Variants in ADAMTS6 observed in about 807,000 individuals in gnomAD.
ADAMTS6 encodes ADAM metallopeptidase with thrombospondin type 1 motif 6.
Under a neutral mutation model 144.3 loss-of-function variants are expected in ADAMTS6, and 23 were observed. The ratio of observed to expected loss-of-function variants is 0.16; its 90% CI spans 0.11 to 0.23. The LOEUF (loss-of-function observed/expected upper bound fraction) is 0.23. Among genes scored for constraint, ADAMTS6 ranks in the 10% least tolerant of loss-of-function variants. The pLI, the probability that ADAMTS6 is intolerant of heterozygous loss-of-function variation, is 1.00. For missense variants in ADAMTS6, 999 were observed against 1,379.6 expected (o/e 0.72, Z 4.37); for synonymous variants, 444 against 457.5 (o/e 0.97, Z 0.38).
At chr5:65,210,712 C>G (rs1756465956) in intron 20 of ADAMTS6, 1 of 648,004 alleles carries the variant, frequency 1.5e-6, no homozygotes, top group East Asian at 3.0e-5. Context: ...ACACCAGAAG[C>G]ACATCATGGG....
In ADAMTS6 at chr5:65,172,210, C is replaced by G. The variant is rs968821607; in HGVS notation, c.3087+622G>C. Reference sequence around the variant, plus strand: ...CGGGCGGATCACGAGGTCAGGAGATCGAGACCATCCTGGCTAAGATGGTGA... The same window carrying G: ...CGGGCGGATCACGAGGTCAGGAGATGGAGACCATCCTGGCTAAGATGGTGA... On this transcript the variant is annotated intron_variant, in intron 23 of 24. Transcript: ENST00000381055. 5.2e-4 allele frequency among the ~76,000 whole-genome samples: 78 copies of G among 150,848 alleles called. 3 individuals are homozygous for G. The highest frequency in any genetic ancestry group is 1.7e-3 in the African/African-American group (71 of 40,938).
chr5:65,480,643 A>G (rs919186569), intron 1 of ADAMTS6, among the ~76,000 whole-genome samples: 1 of 152,154 alleles, frequency 6.6e-6, no homozygotes, highest in Admixed American at 6.5e-5. Context: ...AGGCTTCCCA[A>G]TACCCCATTC....
rs1283696195 is a variant in ADAMTS6, at chr5:65,425,586, C to G, written c.1073+25889G>C. On this transcript the variant is annotated intron_variant, in intron 7 of 24. Transcript: ENST00000381055. The stretch of plus-strand genomic sequence containing the variant: ...TCCTGCTTAACGTAAATTTCCCACT[C>G]TCAAATTCTACAGTATGGTATTTAT... Among the ~76,000 whole-genome samples, 3 of 152,210 alleles carry G rather than the reference C, an allele frequency of 2.0e-5. No individual in the cohort carries two copies. In the South Asian group the frequency reaches 6.2e-4, roughly 31 times the overall value.
intron 20 of ADAMTS6, among the ~76,000 whole-genome samples, chr5:65,211,706 T>C (rs1325846066): frequency 6.6e-6 from 1 of 152,108 alleles, no homozygotes; most frequent in Non-Finnish European, 1.5e-5. Context: ...AATGATACTG[T>C]TTTTCCTTGG....
intron 7 of ADAMTS6, among the ~76,000 whole-genome samples, chr5:65,367,376 A>G (rs1345182889): frequency 1.3e-5 from 2 of 152,190 alleles, no homozygotes; most frequent in Non-Finnish European, 2.9e-5. Flanking sequence ...TATTGCACTT[A>G]CCATGGGTAA....
At chr5:65,265,770 C>A (rs1761572743) in intron 12 of ADAMTS6, among the ~76,000 whole-genome samples, 1 of 151,796 alleles carries the variant, frequency 6.6e-6, no homozygotes, top group African/African-American at 2.4e-5. Flanking sequence ...TTCATAAGGC[C>A]TAAGCACTTC....
intron 2 of ADAMTS6, among the ~76,000 whole-genome samples, chr5:65,472,437 G>A (rs551111319): frequency 2.0e-5 from 3 of 152,190 alleles, no homozygotes; most frequent in South Asian, 2.1e-4. Flanking sequence ...GTACAATGCC[G>A]AAAATACTAA....
intron 7 of ADAMTS6, among the ~76,000 whole-genome samples, chr5:65,433,311 CA>C (rs1757136494): frequency 6.6e-6 from 1 of 152,022 alleles, no homozygotes; most frequent in Non-Finnish European, 1.5e-5. Flanking sequence ...AGCACTGTAC[CA>C]AAAACCTCAC....
intron 7 of ADAMTS6, among the ~76,000 whole-genome samples, chr5:65,423,752 G>A (rs972895069): frequency 6.6e-6 from 1 of 151,926 alleles, no homozygotes. Context: ...TTGGATTGCT[G>A]TCTAATTTTA....
chr5:65,162,505 ACT>A (rs1031027685), intron 24 of ADAMTS6, among the ~76,000 whole-genome samples: 2 of 151,976 alleles, frequency 1.3e-5, no homozygotes, highest in Non-Finnish European at 2.9e-5. Context: ...TCAGATCCTG[ACT>A]CTACTACTTC....
intron 7 of ADAMTS6, among the ~76,000 whole-genome samples, chr5:65,436,565 G>A (rs1040046874): frequency 2.6e-5 from 4 of 152,214 alleles, no homozygotes; most frequent in African/African-American, 9.6e-5. Context: ...GCCGGGCGCA[G>A]TGGCTCATGC....
intron 7 of ADAMTS6, among the ~76,000 whole-genome samples, chr5:65,338,443 T>A (rs570847017): frequency 1.3e-5 from 2 of 152,386 alleles, no homozygotes; most frequent in South Asian, 4.1e-4. Context: ...AACTCTTTAA[T>A]CTTCTAGTCA....
chr5:65,318,526 A>G (rs906403886), intron 9 of ADAMTS6, among the ~76,000 whole-genome samples: 5 of 152,258 alleles, frequency 3.3e-5, no homozygotes, highest in Admixed American at 1.3e-4. Context: ...GTACATATAC[A>G]TAACAGAGTA....
At chr5:65,399,086 G>A (rs975774400) in intron 7 of ADAMTS6, among the ~76,000 whole-genome samples, 1 of 151,770 alleles carries the variant, frequency 6.6e-6, no homozygotes, top group South Asian at 2.1e-4. Flanking sequence ...GTGAAACCCC[G>A]TCTCCAATAA....
chr5:65,383,321 C>G (rs1459662979), intron 7 of ADAMTS6, among the ~76,000 whole-genome samples: 1 of 152,072 alleles, frequency 6.6e-6, no homozygotes, highest in Non-Finnish European at 1.5e-5. Flanking sequence ...TTTGACTCAT[C>G]CTGAGGCAAA....
chr5:65,249,931 A>T (rs1347535333), intron 14 of ADAMTS6, among the ~76,000 whole-genome samples: 2 of 152,118 alleles, frequency 1.3e-5, no homozygotes, highest in Non-Finnish European at 2.9e-5. Context: ...GTTAGACTGG[A>T]AGTAAGACAA....
At chr5:65,210,804 G>A in intron 20 of ADAMTS6, 1 of 556,558 alleles carries the variant, frequency 1.8e-6, no homozygotes, top group South Asian at 2.0e-5. Context: ...AACACATAAA[G>A]AACAGTGTAA....
rs1240969969 is a variant in ADAMTS6 at position 65,149,989 on chromosome 5, G to T, written c.*1847C>A. 1.3e-5 allele frequency: 2 copies of T among 151,698 alleles called. 1 individual carries two copies. Among genetic ancestry groups the T allele is most frequent in the South Asian group, 4.1e-4 (2 of 4,824 alleles). 9.4% of individuals were successfully genotyped at this position (151,698 alleles called of 1,614,324 possible). A position where few individuals can be genotyped will look rare whatever the true frequency, so the allele number is the denominator to read the frequency against. ...GAAAGCAGGTAACAAGATACAGATG[G>T]TCATGACTGAGAGTGCAGAAAACAT... is the stretch of plus-strand genomic sequence containing the variant. On this transcript the variant is annotated 3_prime_UTR_variant, in exon 25 of 25. Coordinates refer to ENST00000381055, the MANE Select transcript of ADAMTS6 (RefSeq NM_197941.4).
At chr5:65,289,650 AATTAAGTCAAATTTTT>A (rs1477918027) in intron 11 of ADAMTS6, among the ~76,000 whole-genome samples, 3 of 152,228 alleles carry the variant, frequency 2.0e-5, no homozygotes, top group Non-Finnish European at 4.4e-5. Flanking sequence ...TAGCAAGAAG[AATTAAGTCAAATTTTT>A]ATTAATTTAT....
Sources: gnomAD v4.1 joint callset for allele counts (sites outside exome capture counted in the v4.1 genomes callset) on GRCh38, gnomAD v4.1.1 for gene constraint, MANE v1.5 for transcripts, NCBI Gene and HGNC (gene_info 2026-07-23, HGNC 2026-07-21) for gene names.